The following ACSL3 variants were observed in gnomAD, a reference collection of about 807,000 sequenced individuals.
ACSL3 encodes fatty acid CoA ligase Acsl3.
A neutral mutation model predicts 84.7 loss-of-function variants in ACSL3; 34 were observed. That is an observed-to-expected ratio of 0.40 (90% CI 0.31 to 0.53). The LOEUF (loss-of-function observed/expected upper bound fraction) is 0.53, where lower values mean the gene tolerates loss of function less well. ACSL3 is among the 20% of genes least tolerant of loss of function. ACSL3 has a pLI of 0.48. For missense variants in ACSL3, 680 were observed against 873.1 expected, an observed-to-expected ratio of 0.78 and a Z score of 2.79; for synonymous variants, 315 against 299.4, an observed-to-expected ratio of 1.05 and a Z score of -0.54.
At chr2:222,889,481 G>A (rs1427321249) in intron 2 of ACSL3, among the ~76,000 whole-genome samples, 3 of 152,196 alleles carry the variant, frequency 2.0e-5, no homozygotes, top group African/African-American at 4.8e-5. Flanking sequence ...ACCTTTTCAC[G>A]TTTGGGAATT....
intron 14 of ACSL3, among the ~76,000 whole-genome samples, chr2:222,931,305 T>A (rs182347782): frequency 6.6e-6 from 1 of 151,918 alleles, no homozygotes; most frequent in South Asian, 2.1e-4. Flanking sequence ...TCCCAGCTAC[T>A]TGGGAGGCCG....
intron 2 of ACSL3, among the ~76,000 whole-genome samples, chr2:222,898,751 C>T (rs1196822477): frequency 1.3e-5 from 2 of 151,962 alleles, no homozygotes; most frequent in Non-Finnish European, 2.9e-5. Context: ...GGCGTGAACC[C>T]GGGAGGCGGA....
chr2:222,912,790 TC>T (rs1038971605), intron 4 of ACSL3, among the ~76,000 whole-genome samples: 2 of 152,202 alleles, frequency 1.3e-5, no homozygotes, highest in African/African-American at 4.8e-5. Flanking sequence ...ACCAGATTCT[TC>T]CTTGGGGGAC....
intron 4 of ACSL3, among the ~76,000 whole-genome samples, chr2:222,911,045 C>CTT (rs781161368): frequency 2.8e-4 from 34 of 123,596 alleles, no homozygotes; most frequent in African/African-American, 6.4e-4. Context: ...CTGGCACTGC[C>CTT]TTTTTTTTTT....
Position 222,882,761 on chromosome 2 carries a change from G to GTTTTTTTT in ACSL3, c.-206-5057_-206-5050dup, listed in dbSNP as rs71408540. Among the ~76,000 whole-genome samples, 239 of 119,970 alleles carry GTTTTTTTT rather than the reference G, an allele frequency of 2.0e-3. 8 individuals carry two copies. The highest frequency in any genetic ancestry group is 6.7e-3 in the African/African-American group (214 of 31,914). The allele number at this position is 119,970 out of a possible 152,430, so 78.7% of individuals were successfully genotyped here. On this transcript the variant is annotated intron_variant, in intron 1 of 16. Coordinates refer to ENST00000357430, the MANE Select transcript of ACSL3 (RefSeq NM_004457.5). ...TTGTCTGGAATACCTCCAGATCACT[G>GTTTTTTTT]TTTTTTTTTTTTTTTTTTTGAAGAC... is the stretch of plus-strand genomic sequence containing the variant.
intron 2 of ACSL3, among the ~76,000 whole-genome samples, chr2:222,895,438 CT>C (rs1490798559): frequency 3.3e-5 from 5 of 150,000 alleles, no homozygotes; most frequent in Non-Finnish European, 7.5e-5. Flanking sequence ...AAAAGAACCT[CT>C]TTTGTCCTGG....
rs961458463 is a variant in ACSL3 at position 222,908,908 on chromosome 2, G to A, written c.136G>A (p.Glu46Lys). 21 of 1,610,862 alleles carry A rather than the reference G, an allele frequency of 1.3e-5. No homozygotes were observed. In the East Asian group the frequency reaches 3.1e-4, roughly 24 times the overall value. ...LTYIPFYFFSESRQEKSNRIK... is the reference protein window; with the variant it reads ...LTYIPFYFFSKSRQEKSNRIK... Reference sequence around the variant, plus strand: ...ATACATTCCGTTTTATTTTTTCTCCGAGTCAAGACAAGAAAAATCAAACCG... The same window carrying A: ...ATACATTCCGTTTTATTTTTTCTCCAAGTCAAGACAAGAAAAATCAAACCG... The change falls in exon 4 of 17, where the codon GAG (glutamate) becomes AAG (lysine). Residue 46 changes from glutamate (E) to lysine (K), a missense_variant. Coordinates refer to ENST00000357430, the MANE Select transcript of ACSL3 (RefSeq NM_004457.5).
At chr2:222,934,954 GTTC>G (rs1344769011) in intron 16 of ACSL3, among the ~76,000 whole-genome samples, 1 of 152,130 alleles carries the variant, frequency 6.6e-6, no homozygotes, top group Non-Finnish European at 1.5e-5. Context: ...TATGTCAGCT[GTTC>G]TTCAAGGCCT....
intron 2 of ACSL3, among the ~76,000 whole-genome samples, chr2:222,893,625 C>T (rs1418827320): frequency 6.6e-6 from 1 of 152,092 alleles, no homozygotes; most frequent in Non-Finnish European, 1.5e-5. Flanking sequence ...TCCTGTTTTT[C>T]TCTTAGGAAA....
intron 4 of ACSL3, among the ~76,000 whole-genome samples, chr2:222,911,221 G>T (rs1696432674): frequency 6.6e-6 from 1 of 151,966 alleles, no homozygotes; most frequent in African/African-American, 2.4e-5. Flanking sequence ...GGCTAATTTT[G>T]TGTTTTTAGT....
intron 15 of ACSL3, chr2:222,933,521 G>T: frequency 3.0e-6 from 1 of 329,174 alleles, no homozygotes. Context: ...CATGGAGGGA[G>T]GTGAAGAAAA....
intron 9 of ACSL3, 72 bp downstream of exon 9, chr2:222,922,903 A>G (rs1696778539): frequency 6.9e-6 from 11 of 1,584,656 alleles, no homozygotes; most frequent in Middle Eastern, 1.7e-4. Context: ...TTCAGTCAGT[A>G]TGACAGTATA....
intron 16 of ACSL3, among the ~76,000 whole-genome samples, chr2:222,936,534 G>A (rs139721292): frequency 9.2e-5 from 14 of 151,790 alleles, no homozygotes; most frequent in Middle Eastern, 3.4e-3. Context: ...ATACTTGTTG[G>A]CCATTTACAT....
At chr2:222,867,997 TAAAA>T (rs1034697041) in intron 1 of ACSL3, among the ~76,000 whole-genome samples, 13 of 151,186 alleles carry the variant, frequency 8.6e-5, no homozygotes, top group African/African-American at 3.2e-4. Flanking sequence ...TTTTTTTAAA[TAAAA>T]ATATCTTAAA....
chr2:222,861,318 G>A (rs1049405805), intron 1 of ACSL3, 60 bp downstream of exon 1: 4 of 151,880 alleles, frequency 2.6e-5, no homozygotes, highest in Non-Finnish European at 5.9e-5. Flanking sequence ...GCCTCCGCGT[G>A]CGGTTCGGCT....
chr2:222,922,192 TA>T (rs1696759184), intron 8 of ACSL3, among the ~76,000 whole-genome samples: 1 of 152,196 alleles, frequency 6.6e-6, no homozygotes, highest in South Asian at 2.1e-4. Context: ...TTCTGTATAT[TA>T]AGATCTAATT....
rs1559295310 is a variant in ACSL3, at chr2:222,916,371, C to A, written c.431C>A (p.Ala144Asp). 6.2e-7 allele frequency: 1 copy of A among 1,613,754 alleles called. No homozygotes were observed. The highest frequency in any genetic ancestry group is 1.6e-4 in the Middle Eastern group (1 of 6,062). The change falls in exon 5 of 17, where the codon GCC becomes GAC. Residue 144 changes from alanine to aspartate, a missense_variant. This residue lies in a region of ACSL3 where 333 missense variants were observed against 347.5 expected (regional missense o/e 0.96). Transcript: ENST00000357430. ...WLSYEDVFVR[A>D]FNFGNGLQML... ...TCCTATGAAGATGTCTTTGTTCGAG[C>A]CTTTAATTTTGGAAATGGATTACAG...
chr2:222,866,744 GCCCCCCCCGC>G (rs1559273427), intron 1 of ACSL3, among the ~76,000 whole-genome samples: 26 of 22,756 alleles, frequency 1.1e-3, no homozygotes, highest in African/African-American at 1.0e-3. Context: ...AAACTGCCCT[GCCCCCCCCGC>G]CCCCCCCCCC....
chr2:222,908,143 G>T (rs898662506), intron 3 of ACSL3, among the ~76,000 whole-genome samples: 2 of 152,204 alleles, frequency 1.3e-5, no homozygotes, highest in Non-Finnish European at 2.9e-5. Context: ...TAAATCTGAT[G>T]AATGCAAAGT....
Sources: allele counts gnomAD v4.1 joint callset (sites outside exome capture counted in the v4.1 genomes callset), GRCh38; gene constraint gnomAD v4.1.1; regional missense constraint gnomAD v4.1.1; transcripts MANE v1.5; gene names NCBI Gene and HGNC (gene_info 2026-07-23, HGNC 2026-07-21).